CALN1: variants seen among roughly 807,000 people sequenced by gnomAD.
The protein encoded by CALN1 is calneuron 1.
Under a neutral mutation model 30.6 loss-of-function variants are expected in CALN1, and 17 were observed. The ratio of observed to expected loss-of-function variants is 0.56; its 90% CI spans 0.38 to 0.83. The LOEUF is 0.83. CALN1 is among the 40% of genes least tolerant of loss of function. CALN1 has a pLI of 0.00. For missense variants in CALN1, 291 were observed against 354.9 expected, an observed-to-expected ratio of 0.82 and a Z score of 1.45; for synonymous variants, 156 against 131.4, an observed-to-expected ratio of 1.19 and a Z score of -1.28.
intron 4 of CALN1, among the ~76,000 whole-genome samples, chr7:72,033,354 C>T (rs1801578839): frequency 1.3e-5 from 2 of 152,110 alleles, no homozygotes; most frequent in African/African-American, 4.8e-5. Context: ...CAAAGGGTAA[C>T]AAGAAGAAAA....
At chr7:72,062,398 G>C (rs1294218412) in intron 4 of CALN1, among the ~76,000 whole-genome samples, 3 of 151,482 alleles carry the variant, frequency 2.0e-5, no homozygotes, top group Non-Finnish European at 4.4e-5. Context: ...TGTAGTCCCA[G>C]CTACTTGGGA....
intron 1 of CALN1, among the ~76,000 whole-genome samples, chr7:72,424,184 C>T (rs1335334938): frequency 6.6e-6 from 1 of 152,050 alleles, no homozygotes; most frequent in African/African-American, 2.4e-5. Flanking sequence ...CCAACCCTGC[C>T]CTCAGTCTCA....
chr7:72,098,760 G>GCA (rs1491327481), intron 4 of CALN1, among the ~76,000 whole-genome samples: 3,463 of 101,322 alleles, frequency 0.034, 112 homozygotes, highest in East Asian at 0.14. Flanking sequence ...AGCCCATTTG[G>GCA]CGCGCACACA....
intron 5 of CALN1, among the ~76,000 whole-genome samples, chr7:71,884,775 T>C (rs1481743360): frequency 6.6e-6 from 1 of 152,180 alleles, no homozygotes; most frequent in African/African-American, 2.4e-5. Flanking sequence ...CCCCGAAACC[T>C]GTTTCTTTGC....
chr7:72,264,111 CCTT>C (rs1327800522), intron 3 of CALN1, among the ~76,000 whole-genome samples: 11 of 152,180 alleles, frequency 7.2e-5, no homozygotes, highest in African/African-American at 2.7e-4. Context: ...GTTTATATGA[CCTT>C]CTGAGAAGTC....
At chr7:71,952,141 T>C (rs1796724344) in intron 5 of CALN1, among the ~76,000 whole-genome samples, 1 of 152,190 alleles carries the variant, frequency 6.6e-6, no homozygotes, top group African/African-American at 2.4e-5. Flanking sequence ...AGCTTCCTTC[T>C]TGCATCTCTA....
At chr7:72,271,432 T>C (rs1331635724) in intron 3 of CALN1, among the ~76,000 whole-genome samples, 2 of 151,334 alleles carry the variant, frequency 1.3e-5, no homozygotes, top group Non-Finnish European at 2.9e-5. Context: ...CTTTTTGTTT[T>C]CTTTTTTCTG....
chr7:72,247,416 T>A (rs1452864900), intron 3 of CALN1, among the ~76,000 whole-genome samples: 4 of 151,358 alleles, frequency 2.6e-5, no homozygotes, highest in African/African-American at 9.7e-5. Context: ...CCCAACTAAT[T>A]TTTTGTATTT....
intron 2 of CALN1, among the ~76,000 whole-genome samples, chr7:72,335,677 C>T (rs753742603): frequency 6.6e-6 from 1 of 152,242 alleles, no homozygotes; most frequent in Non-Finnish European, 1.5e-5. Context: ...CACCCAGGAG[C>T]TACGGGCTTC....
chr7:72,158,854 A>ATTTG lies in CALN1; in HGVS notation c.245-52564_245-52561dup, dbSNP rs907988321. ...CTTATTATGTGAGATTTATTTATTT[A>ATTTG]TTTGTTTGTTTGTTTGTTTTTGAGA... On this transcript the variant is annotated intron_variant, in intron 3 of 6. Coordinates refer to ENST00000395275, the MANE Select transcript of CALN1 (RefSeq NM_031468.4). Among the ~76,000 whole-genome samples, 76 of 151,796 alleles carry ATTTG rather than the reference A, an allele frequency of 5.0e-4. 1 individual carries two copies. Among genetic ancestry groups the ATTTG allele is most frequent in the Middle Eastern group, 3.4e-3 (1 of 294 alleles).
the CALN1 span, among the ~76,000 whole-genome samples, chr7:72,501,370 TAAAAAAA>T: frequency 1.1e-3 from 48 of 42,808 alleles, no homozygotes; most frequent in East Asian, 2.7e-3. Context: ...ACGTCTCTAT[TAAAAAAA>T]AAAAAAAAAA....
chr7:71,895,363 G>GC (rs1373227532), intron 5 of CALN1, among the ~76,000 whole-genome samples: 1 of 152,058 alleles, frequency 6.6e-6, no homozygotes, highest in African/African-American at 2.4e-5. Flanking sequence ...AGGCTGGAGT[G>GC]CAGTGGCGTG....
At chr7:72,367,194 A>C (rs1484037194) in intron 2 of CALN1, among the ~76,000 whole-genome samples, 1 of 152,170 alleles carries the variant, frequency 6.6e-6, no homozygotes, top group East Asian at 1.9e-4. Context: ...TTGGGACTAG[A>C]AGCAGATACA....
At chr7:72,387,188 G>A (rs79527984) in intron 2 of CALN1, among the ~76,000 whole-genome samples, 44,418 of 123,258 alleles carry the variant, frequency 0.36, 10,355 homozygotes, top group Non-Finnish European at 0.51. Flanking sequence ...ATCAAACTAA[G>A]GAAGGGAGGG....
At chr7:71,856,166 A>G (rs550218455) in intron 5 of CALN1, among the ~76,000 whole-genome samples, 30 of 151,930 alleles carry the variant, frequency 2.0e-4, no homozygotes, top group Non-Finnish European at 1.6e-4. Flanking sequence ...ATACATATAT[A>G]CAGCCCTTGC....
chr7:71,958,134 C>T (rs1019494667), intron 5 of CALN1, among the ~76,000 whole-genome samples: 1 of 150,342 alleles, frequency 6.7e-6, no homozygotes, highest in Admixed American at 6.6e-5. Context: ...GCAGTAATTA[C>T]CAATCTCTTA....
chr7:72,195,131 T>A (rs1790896450), intron 3 of CALN1, among the ~76,000 whole-genome samples: 1 of 152,128 alleles, frequency 6.6e-6, no homozygotes, highest in Non-Finnish European at 1.5e-5. Context: ...ATGCATCAGC[T>A]CAGACTCACA....
At chr7:72,169,094 C>T (rs1422103824) in intron 3 of CALN1, among the ~76,000 whole-genome samples, 1 of 147,338 alleles carries the variant, frequency 6.8e-6, no homozygotes, top group Non-Finnish European at 1.5e-5. Context: ...GCATGAGCCA[C>T]CACATCTAGC....
At chr7:72,221,825 G>A (rs1487869041) in intron 3 of CALN1, among the ~76,000 whole-genome samples, 1 of 151,956 alleles carries the variant, frequency 6.6e-6, no homozygotes, top group African/African-American at 2.4e-5. Context: ...GGAGGCGGAG[G>A]TTGCAGTGAG....
Sources: allele counts gnomAD v4.1 joint callset (sites outside exome capture counted in the v4.1 genomes callset), GRCh38; gene constraint gnomAD v4.1.1; transcripts MANE v1.5; gene names NCBI Gene and HGNC (gene_info 2026-07-23, HGNC 2026-07-21).